HSPG2: variants seen among roughly 807,000 people sequenced by gnomAD.
HSPG2 encodes heparan sulfate proteoglycan 2, also known as basement membrane-specific heparan sulfate proteoglycan core protein.
In HSPG2, 278 loss-of-function variants were observed where a neutral mutation model predicts 526.6. The ratio of observed to expected loss-of-function variants is 0.53; its 90% CI spans 0.48 to 0.58. HSPG2 has a LOEUF of 0.58. Among genes scored for constraint, HSPG2 ranks in the 20% least tolerant of loss-of-function variants. HSPG2 has a pLI of 0.00. For synonymous variants in HSPG2, 2,465 were observed against 2,555.4 expected (o/e 0.96, Z 1.07); for missense variants, 5,354 against 6,099.5 (o/e 0.88, Z 4.07).
At chr1:21,902,073 G>A (rs76504298) in intron 1 of HSPG2, among the ~76,000 whole-genome samples, 2,290 of 152,266 alleles carry the variant, frequency 0.015, 24 homozygotes, top group South Asian at 0.032. Context: ...AGGCCACCCA[G>A]TGCCCTGTCC....
chr1:21,925,112 G>C (rs561002733), intron 1 of HSPG2, among the ~76,000 whole-genome samples: 15 of 152,342 alleles, frequency 9.8e-5, no homozygotes, highest in African/African-American at 3.6e-4. Flanking sequence ...CTCTGCGCCT[G>C]ACTATTCCCT....
intron 33 of HSPG2, among the ~76,000 whole-genome samples, chr1:21,867,778 T>C (rs1412767163): frequency 2.0e-5 from 3 of 152,144 alleles, no homozygotes; most frequent in South Asian, 2.1e-4. Flanking sequence ...GTTGCCCAGC[T>C]GGAGTACAGT....
Position 21,839,017 on chromosome 1 carries a change from A to G in HSPG2, c.9958T>C (p.Cys3320Arg), listed in dbSNP as rs2098038156. 2 of 1,607,504 alleles carry G rather than the reference A, an allele frequency of 1.2e-6. No homozygotes were observed. The highest frequency in any genetic ancestry group is 3.3e-4 in the Middle Eastern group (2 of 6,044). Residue 3320 changes from cysteine (C) to arginine (R), a missense_variant, in exon 74 of 97, where the codon TGC becomes CGC. Coordinates refer to ENST00000374695, the MANE Select transcript of HSPG2 (RefSeq NM_005529.7). The surrounding 1 kb of genome is among the most constrained non-coding windows in gnomAD (Gnocchi z 4.5). The stretch of plus-strand genomic sequence containing the variant: ...AGTGGGGGTGTCCCGTGAGCCAGGC[A>G]CTGGAGCTGCACCGTCTCCCCTGCC... Reference protein sequence around the residue: ...VQAGETVQLQCLAHGTPPLTF... With the variant: ...VQAGETVQLQRLAHGTPPLTF...
At chr1:21,926,279 T>C (rs956302388) in intron 1 of HSPG2, among the ~76,000 whole-genome samples, 1 of 152,128 alleles carries the variant, frequency 6.6e-6, no homozygotes, top group East Asian at 1.9e-4. Flanking sequence ...AATGAGAAGG[T>C]GTCAGCACTC....
rs4654771 is a variant in HSPG2 at position 21,831,870 on chromosome 1, G to A, written c.11208-74C>T. The stretch of plus-strand genomic sequence containing the variant: ...TAAGAAGGGCTAGGGGCCCAGTTGG[G>A]TAGAGGGGTCCCAGAGGAGGGATGT... On this transcript the variant is annotated intron_variant, in intron 81 of 96. Coordinates refer to ENST00000374695, the MANE Select transcript of HSPG2 (RefSeq NM_005529.7). 0.44 allele frequency: 652,383 copies of A among 1,482,502 alleles called. 149,501 individuals carry two copies. The highest frequency in any genetic ancestry group is 0.49 in the Middle Eastern group (2,318 of 4,724). The allele number at this position is 1,482,502 out of a possible 1,614,324, so 91.8% of individuals were successfully genotyped here.
chr1:21,882,343 C>G (rs1572350056), intron 13 of HSPG2, among the ~76,000 whole-genome samples: 1 of 151,742 alleles, frequency 6.6e-6, no homozygotes, highest in African/African-American at 2.4e-5. Context: ...TATAAAATGG[C>G]TAGCTCTTAT....
rs75097496 is a variant in HSPG2 at position 21,841,849 on chromosome 1, G to A, written c.9193+153C>T. On this transcript the variant is annotated intron_variant, in intron 69 of 96. Transcript: ENST00000374695. ...AAGGCCTTGGAAACTCCTGGGTCCAGCGCTCTTGCCATACAGAGACGGGAA... is the reference window on the plus strand; with the variant it reads ...AAGGCCTTGGAAACTCCTGGGTCCAACGCTCTTGCCATACAGAGACGGGAA... Among the ~76,000 whole-genome samples the A allele has an allele frequency of 3.9e-4, 59 of 152,318 alleles. 1 individual carries two copies. In the East Asian group the frequency reaches 6.6e-3, roughly 17 times the overall value.
Position 21,846,223 on chromosome 1 carries a change from C to G in HSPG2, c.8349G>C (p.Val2783=). The part of the protein sequence containing the change: ...TRGSRLRLHH[V]SPADSGEYVC... The stretch of plus-strand genomic sequence containing the variant: ...CGTATTCACCCGAGTCGGCCGGGGA[C>G]ACATGGTGCAGCCGCAGCCGTGAGC... The change falls in exon 64 of 97, where the codon GTG becomes GTC. Residue 2783 remains valine, a synonymous_variant. Coordinates refer to ENST00000374695, the MANE Select transcript of HSPG2 (RefSeq NM_005529.7). 1 of 1,613,020 alleles carries G rather than the reference C, an allele frequency of 6.2e-7. No homozygotes were observed. The highest frequency in any genetic ancestry group is 8.5e-7 in the Non-Finnish European group (1 of 1,179,988).
chr1:21,937,230 G>T lies in HSPG2; in HGVS notation c.-13C>A, dbSNP rs1227321497. The T allele has an allele frequency of 9.4e-6, 9 of 962,430 alleles. No individual in the cohort carries two copies. Among genetic ancestry groups the T allele is most frequent in the African/African-American group, 2.0e-5 (1 of 50,234 alleles). The allele number at this position is 962,430 out of a possible 1,614,324, so 59.6% of individuals were successfully genotyped here. ...CCCGCCACCCCATGGCCCGGCCCGC[G>T]CCGCTCTCTCGCTCGCTCGCTCCGC... is the stretch of plus-strand genomic sequence containing the variant. On this transcript the variant is annotated 5_prime_UTR_variant, in exon 1 of 97. Coordinates refer to ENST00000374695, the MANE Select transcript of HSPG2 (RefSeq NM_005529.7).
intron 1 of HSPG2, among the ~76,000 whole-genome samples, chr1:21,903,346 G>A (rs1427441708): frequency 1.2e-4 from 19 of 152,300 alleles, no homozygotes; most frequent in Non-Finnish European, 2.4e-4. Flanking sequence ...CACGCCTGTA[G>A]TCCCCGCACT....
chr1:21,883,207 C>T lies in HSPG2; in HGVS notation c.1654+1321G>A, dbSNP rs186412453. Among the ~76,000 whole-genome samples the T allele has an allele frequency of 8.3e-4, 127 of 152,354 alleles. 1 individual carries two copies. Among genetic ancestry groups the T allele is most frequent in the African/African-American group, 2.8e-3 (118 of 41,582 alleles). The stretch of plus-strand genomic sequence containing the variant: ...GCCCTGACCTTGCAAGGGTTTTTGG[C>T]AGTTCGTTGACTGTCACGTCAAGCC... On this transcript the variant is annotated intron_variant, in intron 13 of 96. Coordinates refer to ENST00000374695, the MANE Select transcript of HSPG2 (RefSeq NM_005529.7).
chr1:21,830,024 G>A lies in HSPG2; in HGVS notation c.11739C>T (p.His3913=), dbSNP rs753128258. ...CACACCGCAACCCCGAGCGGCCCAG[G>A]TGGCAGCGGCAGGTGTAGCCTCGAC... The part of the protein sequence containing the change: ...PDGRGYTCRC[H]LGRSGLRCEE... The change falls in exon 86 of 97, where the codon CAC becomes CAT. Residue 3913 remains histidine (H), a synonymous_variant. Transcript: ENST00000374695. 6.2e-7 allele frequency: 1 copy of A among 1,610,926 alleles called. No individual in the cohort carries two copies. The highest frequency in any genetic ancestry group is 1.7e-5 in the Admixed American group (1 of 59,800).
rs557398057 is a variant in HSPG2, at chr1:21,898,700, G to T, written c.64-2390C>A. Among the ~76,000 whole-genome samples, 25 of 152,360 alleles carry T rather than the reference G, an allele frequency of 1.6e-4. No individual in the cohort carries two copies. The highest frequency in any genetic ancestry group is 5.8e-4 in the African/African-American group (24 of 41,584). On this transcript the variant is annotated intron_variant, in intron 1 of 96. Coordinates refer to ENST00000374695, the MANE Select transcript of HSPG2 (RefSeq NM_005529.7). This position sits in a 1 kb window ranked among gnomAD's most constrained non-coding sequence, Gnocchi z 4.0. The stretch of plus-strand genomic sequence containing the variant: ...CTGACCCAACGTGGGTATGAGGCTG[G>T]GGCTGGTGCAGGGGCACTGACTCTG...
rs1190694856 is a variant in HSPG2, at chr1:21,842,305, C to T, written c.8986G>A (p.Gly2996Ser). ...SGEYVCRAAS[G>S]PGPEQEASFT... ...GAGGCTTCTTGCTCAGGGCCTGGGC[C>T]GCTGGCTGCACGACACACATACTCG... Residue 2996 changes from glycine (G) to serine (S), a missense_variant, in exon 68 of 97, where the codon GGC becomes AGC. Transcript: ENST00000374695. 6.8e-6 allele frequency: 11 copies of T among 1,613,246 alleles called. No homozygotes were observed. Among genetic ancestry groups the T allele is most frequent in the East Asian group, 2.2e-5 (1 of 44,876 alleles).
intron 3 of HSPG2, among the ~76,000 whole-genome samples, chr1:21,891,390 T>C (rs973294507): frequency 2.6e-5 from 4 of 152,146 alleles, no homozygotes; most frequent in African/African-American, 9.7e-5. Flanking sequence ...ACCAGGCCCT[T>C]GTACTCAGAT....
rs371113935 is a variant in HSPG2, at chr1:21,873,129, C to T, written c.3794-38G>A. 5.7e-5 allele frequency: 86 copies of T among 1,522,050 alleles called. No homozygotes were observed. In the African/African-American group the frequency reaches 7.5e-4, roughly 13 times the overall value. The allele number at this position is 1,522,050 out of a possible 1,614,324, so 94.3% of individuals were successfully genotyped here. A position where few individuals can be genotyped will look rare whatever the true frequency, so the allele number is the denominator to read the frequency against. ...AAAGCCATGGCTGGAGCCCCAAACC[C>T]GCCACCCAGCACCCCTCTTCCCTCC... is the stretch of plus-strand genomic sequence containing the variant. On this transcript the variant is annotated intron_variant, in intron 30 of 96. Coordinates refer to ENST00000374695, the MANE Select transcript of HSPG2 (RefSeq NM_005529.7).
rs1399742452 is a variant in HSPG2, at chr1:21,833,862, G to T, written c.10784C>A (p.Pro3595His). The T allele has an allele frequency of 6.2e-7, 1 of 1,605,342 alleles. No individual in the cohort carries two copies. The change falls in exon 78 of 97, where the codon CCC becomes CAC. Residue 3595 changes from proline to histidine, a missense_variant. Physicochemically the swap from Pro to His is moderately conservative, Grantham distance 77. Transcript: ENST00000374695. ...RVPAGSAAVF[P>H]CIASGYPTPD... ...AGTGGGGTAGCCTGAGGCTATGCAGGGGAAGACAGCTGCAGAACCAGCAGG... is the reference window on the plus strand; with the variant it reads ...AGTGGGGTAGCCTGAGGCTATGCAGTGGAAGACAGCTGCAGAACCAGCAGG...
rs373132072 is a variant in HSPG2 at position 21,839,480 on chromosome 1, A to G, written c.9780T>C (p.Gly3260=). 5.0e-6 allele frequency: 8 copies of G among 1,613,840 alleles called. No homozygotes were observed. In the East Asian group the frequency reaches 6.7e-5, roughly 13 times the overall value. Residue 3260 remains glycine, a synonymous_variant, in exon 73 of 97, where the codon GGT becomes GGC. Transcript: ENST00000374695. This position sits in a 1 kb window ranked among gnomAD's most constrained non-coding sequence, Gnocchi z 4.5. ...SPLPWQHRLE[G]DTLIIPRVAQ... ...CTACCCGGGGTATGATGAGTGTGTC[A>G]CCTTCCAGCCGGTGCTGCCAGGGCA...
chr1:21,925,361 C>T (rs1644159681), intron 1 of HSPG2, among the ~76,000 whole-genome samples: 1 of 152,302 alleles, frequency 6.6e-6, no homozygotes, highest in Non-Finnish European at 1.5e-5. Flanking sequence ...GATTTCATCT[C>T]GCAGCTGAGC....
Sources: gnomAD v4.1 joint callset for allele counts (sites outside exome capture counted in the v4.1 genomes callset) on GRCh38, gnomAD v4.1.1 for gene constraint, Gnocchi (gnomAD v3.1) non-coding constraint, MANE v1.5 for transcripts, NCBI Gene and HGNC (gene_info 2026-07-23, HGNC 2026-07-21) for gene names.